CSRNP3: variants seen among roughly 807,000 people sequenced by gnomAD.
CSRNP3 encodes the protein cysteine/serine-rich nuclear protein 3.
CSRNP3 carries 12 observed loss-of-function variants against 48.0 expected under a neutral mutation model. The observed-to-expected ratio is 0.25, with a 90% CI of 0.16 to 0.41. CSRNP3 has a LOEUF of 0.41. CSRNP3 is among the 10% of genes least tolerant of loss of function. CSRNP3 has a pLI of 1.00. For synonymous variants in CSRNP3, 263 were observed against 269.7 expected (o/e 0.98, Z 0.24); for missense variants, 580 against 724.4 (o/e 0.80, Z 2.29).
intron 4 of CSRNP3, among the ~76,000 whole-genome samples, chr2:165,609,917 T>C (rs1217573375): frequency 6.6e-6 from 1 of 152,204 alleles, no homozygotes; most frequent in Non-Finnish European, 1.5e-5. Flanking sequence ...TCACAGCCGC[T>C]ATGGAAGTAA....
chr2:165,500,641 A>G (rs1484486931), intron 2 of CSRNP3, among the ~76,000 whole-genome samples: 2 of 151,956 alleles, frequency 1.3e-5, no homozygotes, highest in South Asian at 2.1e-4. Context: ...TATTTTTAGT[A>G]TAGACGGGGT....
chr2:165,470,859 A>C (rs1159288069), intron 1 of CSRNP3, among the ~76,000 whole-genome samples: 7 of 152,056 alleles, frequency 4.6e-5, no homozygotes, highest in African/African-American at 1.4e-4. Context: ...TAATAAAATA[A>C]AAGTCTTTCA....
At chr2:165,539,525 T>G (rs968672887) in intron 3 of CSRNP3, among the ~76,000 whole-genome samples, 13 of 152,196 alleles carry the variant, frequency 8.5e-5, no homozygotes, top group Non-Finnish European at 1.9e-4. Context: ...TGTTTTTGAT[T>G]AACAACTTAA....
intron 4 of CSRNP3, among the ~76,000 whole-genome samples, chr2:165,611,982 A>G (rs908054192): frequency 2.0e-5 from 3 of 152,118 alleles, no homozygotes; most frequent in African/African-American, 4.8e-5. Flanking sequence ...AGCTTTATTT[A>G]TAGTGCCCCA....
rs1009671333 is a variant in CSRNP3 at position 165,547,525 on chromosome 2, T to A, written c.-24+29564T>A. 2.6e-5 allele frequency among the ~76,000 whole-genome samples: 4 copies of A among 152,260 alleles called. No homozygotes were observed. The South Asian group carries it at 8.3e-4, about 32-fold the overall frequency. On this transcript the variant is annotated intron_variant, in intron 3 of 6. Coordinates refer to ENST00000651982, the MANE Select transcript of CSRNP3 (RefSeq NM_001172173.2). ...GTTTCAATTCACGTTTCCTTGATTATTAGAGAGATTGAGCATCTTTTCATA... is the reference window on the plus strand; with the variant it reads ...GTTTCAATTCACGTTTCCTTGATTAATAGAGAGATTGAGCATCTTTTCATA...
At chr2:165,471,120 C>G (rs1202140261) in intron 1 of CSRNP3, among the ~76,000 whole-genome samples, 1 of 151,646 alleles carries the variant, frequency 6.6e-6, no homozygotes, top group Non-Finnish European at 1.5e-5. Context: ...TATGGATTAT[C>G]TAAATGAATT....
chr2:165,490,247 T>G (rs1684184726), intron 1 of CSRNP3, among the ~76,000 whole-genome samples: 1 of 150,866 alleles, frequency 6.6e-6, no homozygotes, highest in Non-Finnish European at 1.5e-5. Context: ...ACAAGGGATG[T>G]GAAGGACCTC....
Position 165,679,577 on chromosome 2 carries a change from C to G in CSRNP3, c.1582C>G (p.Gln528Glu), listed in dbSNP as rs749951708. ...LYPEHRSNHPQVEFHSYLKGP... is the reference protein window; with the variant it reads ...LYPEHRSNHPEVEFHSYLKGP... Reference sequence around the variant, plus strand: ...TCCTGAACACAGGTCCAATCACCCTCAAGTGGAATTTCACTCATACTTGAA... The same window carrying G: ...TCCTGAACACAGGTCCAATCACCCTGAAGTGGAATTTCACTCATACTTGAA... The change falls in exon 7 of 7, where the codon CAA becomes GAA. Residue 528 changes from glutamine to glutamate, a missense_variant. Around this residue, in one of 4 missense-constraint regions of CSRNP3, gnomAD observed 369 missense variants for 380.8 expected, o/e 0.97. Transcript: ENST00000651982. 6.2e-7 allele frequency: 1 copy of G among 1,614,024 alleles called. No individual in the cohort carries two copies. The highest frequency in any genetic ancestry group is 8.5e-7 in the Non-Finnish European group (1 of 1,179,992).
chr2:165,506,467 C>T (rs1388595219), intron 2 of CSRNP3, among the ~76,000 whole-genome samples: 1 of 152,058 alleles, frequency 6.6e-6, no homozygotes, highest in Non-Finnish European at 1.5e-5. Context: ...CACATCTTCT[C>T]ATGATTCAGG....
rs540765601 is a variant in CSRNP3, at chr2:165,666,354, G to A, written c.408+8334G>A. Among the ~76,000 whole-genome samples the A allele has an allele frequency of 3.2e-5, 4 of 126,220 alleles. 1 individual carries two copies. Among genetic ancestry groups the A allele is most frequent in the South Asian group, 6.2e-4 (2 of 3,212 alleles). The allele number at this position is 126,220 out of a possible 152,430, so 82.8% of individuals were successfully genotyped here. On this transcript the variant is annotated intron_variant, in intron 5 of 6. Transcript: ENST00000651982. ...AGAAAGAAAGAGAGAGAGAAAGGAAGGAAGGAAGGAAAGAGAGAGGAAGAA... is the reference window on the plus strand; with the variant it reads ...AGAAAGAAAGAGAGAGAGAAAGGAAAGAAGGAAGGAAAGAGAGAGGAAGAA...
At chr2:165,633,087 A>G (rs1686566199) in intron 4 of CSRNP3, among the ~76,000 whole-genome samples, 1 of 152,200 alleles carries the variant, frequency 6.6e-6, no homozygotes, top group Non-Finnish European at 1.5e-5. Flanking sequence ...CTATACACTG[A>G]TTGTGTAGTT....
chr2:165,654,149 C>T (rs1686964972), intron 4 of CSRNP3, among the ~76,000 whole-genome samples: 1 of 152,018 alleles, frequency 6.6e-6, no homozygotes, highest in South Asian at 2.1e-4. Context: ...AGAAAGTTAT[C>T]ATCACAAAAC....
intron 3 of CSRNP3, among the ~76,000 whole-genome samples, chr2:165,527,956 A>C (rs1684759857): frequency 6.6e-6 from 1 of 151,980 alleles, no homozygotes; most frequent in African/African-American, 2.4e-5. Flanking sequence ...TGAGAGAAAG[A>C]AAGAGAAAAA....
At chr2:165,604,511 T>G (rs1685976988) in intron 4 of CSRNP3, among the ~76,000 whole-genome samples, 1 of 152,242 alleles carries the variant, frequency 6.6e-6, no homozygotes, top group African/African-American at 2.4e-5. Flanking sequence ...GTCATTGTGA[T>G]GTATCAGGAT....
rs565253312 is a variant in CSRNP3 at position 165,552,780 on chromosome 2, C to T, written c.-24+34819C>T. Among the ~76,000 whole-genome samples the T allele has an allele frequency of 2.6e-5, 4 of 152,046 alleles. No homozygotes were observed. The East Asian group carries it at 5.8e-4, about 22-fold the overall frequency. The stretch of plus-strand genomic sequence containing the variant: ...TGCAATCTTGGCTCACTGCAACCTT[C>T]GCATCCTGGGTTCTAGCGATCCTTC... On this transcript the variant is annotated intron_variant, in intron 3 of 6. Transcript: ENST00000651982.
At chr2:165,477,504 A>AATAT (rs35294627) in intron 1 of CSRNP3, among the ~76,000 whole-genome samples, 29,863 of 131,638 alleles carry the variant, frequency 0.23, 3,748 homozygotes, top group East Asian at 0.31. Context: ...ATATAATACA[A>AATAT]ATATATATAT....
Position 165,687,331 on chromosome 2 carries a change from G to A in CSRNP3, c.*7578G>A, listed in dbSNP as rs186303756. The A allele has an allele frequency of 1.3e-5, 2 of 152,132 alleles. No individual in the cohort carries two copies. Among genetic ancestry groups the A allele is most frequent in the East Asian group, 1.9e-4 (1 of 5,188 alleles). The allele number at this position is 152,132 out of a possible 1,614,324, so 9.4% of individuals were successfully genotyped here. On this transcript the variant is annotated 3_prime_UTR_variant, in exon 7 of 7. Coordinates refer to ENST00000651982, the MANE Select transcript of CSRNP3 (RefSeq NM_001172173.2). ...TTCATTTTTGCTGTTGTTGTTGTTT[G>A]TTTTTGTGATTGCTCTTATGTCGGT... is the stretch of plus-strand genomic sequence containing the variant.
chr2:165,670,058 G>A (rs1344118119), intron 5 of CSRNP3, among the ~76,000 whole-genome samples: 1 of 152,142 alleles, frequency 6.6e-6, no homozygotes, highest in African/African-American at 2.4e-5. Flanking sequence ...ACCAAGACAG[G>A]GAGTGATCCC....
At chr2:165,637,148 T>C (rs745514613) in intron 4 of CSRNP3, among the ~76,000 whole-genome samples, 37 of 152,202 alleles carry the variant, frequency 2.4e-4, no homozygotes, top group Non-Finnish European at 4.6e-4. Context: ...TCAACAAGGC[T>C]ATAGCCAGAA....
Sources: gnomAD v4.1 joint callset for allele counts (sites outside exome capture counted in the v4.1 genomes callset) on GRCh38, gnomAD v4.1.1 for gene constraint, gnomAD v4.1.1 regional missense constraint, MANE v1.5 for transcripts, NCBI Gene and HGNC (gene_info 2026-07-23, HGNC 2026-07-21) for gene names.